NT5C1A: variants seen among roughly 807,000 people sequenced by gnomAD.
NT5C1A encodes the protein 5'-nucleotidase, cytosolic IA.
Under a neutral mutation model 31.0 loss-of-function variants are expected in NT5C1A, and 18 were observed. That is an observed-to-expected ratio of 0.58 (90% CI 0.40 to 0.86). NT5C1A has a LOEUF of 0.86. Among genes scored for constraint, NT5C1A ranks in the 40% least tolerant of loss-of-function variants. NT5C1A has a pLI of 0.00. For missense variants in NT5C1A, 470 were observed against 505.4 expected (o/e 0.93, Z 0.67); for synonymous variants, 185 against 203.6 (o/e 0.91, Z 0.78).
At chr1:39,662,280 G>A (rs1409187813) in intron 4 of NT5C1A, among the ~76,000 whole-genome samples, 2 of 152,190 alleles carry the variant, frequency 1.3e-5, no homozygotes, top group Non-Finnish European at 2.9e-5. Flanking sequence ...CAGGGCCAGT[G>A]CCAGGCATCA....
intron 1 of NT5C1A, among the ~76,000 whole-genome samples, chr1:39,670,874 C>T (rs893265849): frequency 2.0e-5 from 3 of 152,142 alleles, no homozygotes; most frequent in African/African-American, 7.2e-5. Context: ...TCTACTCCCC[C>T]CCCAACTCCC....
chr1:39,663,427 G>C lies in NT5C1A; in HGVS notation c.441C>G (p.Phe147Leu). The C allele has an allele frequency of 6.2e-7, 1 of 1,614,064 alleles. No individual in the cohort carries two copies. The highest frequency in any genetic ancestry group is 8.5e-7 in the Non-Finnish European group (1 of 1,179,996). ...LINSINHYDL[F>L]IERFCMTGGN... ...CACCTGTCATGCAGAACCTCTCGAT[G>C]AACAGGTCTGGGAAGGAGGTAAAGG... The change falls in exon 4 of 6, where the codon TTC (phenylalanine) becomes TTG (leucine). Residue 147 changes from phenylalanine (F) to leucine (L), a missense_variant. Physicochemically the swap from Phe to Leu is conservative, Grantham distance 22. Coordinates refer to ENST00000235628, the MANE Select transcript of NT5C1A (RefSeq NM_032526.3).
At position 39,666,051 on chromosome 1, in the gene NT5C1A, G is replaced by T. The variant is rs1646520041; in HGVS notation, c.303+18C>A. ...CACGAAGGCGCTATATGAGCTAGTG[G>T]TGGAACTGCTCCCTCACCTTCACAA... On this transcript the variant is annotated intron_variant, in intron 2 of 5. Transcript: ENST00000235628. 6.2e-7 allele frequency: 1 copy of T among 1,607,950 alleles called. No homozygotes were observed.
rs774758280 is a variant in NT5C1A, at chr1:39,659,002, G to C, written c.*119C>G. 1.2e-4 allele frequency: 160 copies of C among 1,332,196 alleles called. No homozygotes were observed. The highest frequency in any genetic ancestry group is 1.4e-4 in the Non-Finnish European group (141 of 981,600). The allele number at this position is 1,332,196 out of a possible 1,614,324, so 82.5% of individuals were successfully genotyped here. On this transcript the variant is annotated 3_prime_UTR_variant, in exon 6 of 6. Transcript: ENST00000235628. ...TTCCTACAAGTACATCACTCATAGG[G>C]ATGAGGGCAGACAGGCAGAAGGACA...
At chr1:39,664,341 A>G (rs934552800) in intron 3 of NT5C1A, among the ~76,000 whole-genome samples, 6 of 148,980 alleles carry the variant, frequency 4.0e-5, no homozygotes, top group Admixed American at 4.0e-4. Flanking sequence ...TTTTTAGTAG[A>G]GACGCCGTTT....
chr1:39,652,999 C>T lies in NT5C1A; in HGVS notation c.*6122G>A, dbSNP rs547686579. On this transcript the variant is annotated 3_prime_UTR_variant, in exon 6 of 6. Coordinates refer to ENST00000235628, the MANE Select transcript of NT5C1A (RefSeq NM_032526.3). ...TGTGCAGGTGTCTAATAGGTACTAC[C>T]CATGTCACAATACCAATGGCGCCCT... 3.9e-5 allele frequency among the ~76,000 whole-genome samples: 6 copies of T among 152,204 alleles called. No individual in the cohort carries two copies. The highest frequency in any genetic ancestry group is 1.2e-4 in the African/African-American group (5 of 41,522).
chr1:39,656,847 G>A lies in NT5C1A; in HGVS notation c.*2274C>T, dbSNP rs907143005. Among the ~76,000 whole-genome samples the A allele has an allele frequency of 3.3e-5, 5 of 152,250 alleles. No individual in the cohort carries two copies. The highest frequency in any genetic ancestry group is 7.3e-5 in the Non-Finnish European group (5 of 68,048). ...GATTCTGACCCCTGGGAGTGAGAAG[G>A]AGAGGGCCTTTCTGCAGTTCAGCCA... On this transcript the variant is annotated 3_prime_UTR_variant, in exon 6 of 6. Transcript: ENST00000235628.
intron 3 of NT5C1A, among the ~76,000 whole-genome samples, chr1:39,664,515 T>TCTCCTCTCCTCTCCC (rs1646511027): frequency 2.5e-5 from 2 of 80,666 alleles, no homozygotes; most frequent in African/African-American, 5.7e-5. Flanking sequence ...TCTCCTCTCC[T>TCTCCTCTCCTCTCCC]TTCCATCTCA....
At chr1:39,671,829 T>C in intron 1 of NT5C1A, 75 bp downstream of exon 1, 2 of 1,577,482 alleles carry the variant, frequency 1.3e-6, no homozygotes, top group Non-Finnish European at 1.7e-6. Context: ...CACGGGTCCC[T>C]TCCCAAGAGA....
At position 39,665,538 on chromosome 1, in the gene NT5C1A, T is replaced by C. The variant is rs772744198; in HGVS notation, c.416A>G (p.Asn139Ser). 1 of 1,613,198 alleles carries C rather than the reference T, an allele frequency of 6.2e-7. No homozygotes were observed. Residue 139 changes from asparagine (N) to serine (S), a missense_variant, in exon 3 of 6, where the codon AAC becomes AGC. Coordinates refer to ENST00000235628, the MANE Select transcript of NT5C1A (RefSeq NM_032526.3). ...NHAQVGVRLI[N>S]SINHYDLFIE... ...ATGCTCACCATAGTGGTTGATACTG[T>C]TGATGAGGCGGACACCCACTTGAGC...
Position 39,666,060 on chromosome 1 carries a change from C to T in NT5C1A, c.303+9G>A, listed in dbSNP as rs760474041. 46 of 1,610,398 alleles carry T rather than the reference C, an allele frequency of 2.9e-5. No individual in the cohort carries two copies. Among genetic ancestry groups the T allele is most frequent in the Non-Finnish European group, 3.7e-5 (44 of 1,178,394 alleles). On this transcript the variant is annotated intron_variant, in intron 2 of 5. Transcript: ENST00000235628. ...GCTATATGAGCTAGTGGTGGAACTGCTCCCTCACCTTCACAAAAGGGAAGG... is the reference window on the plus strand; with the variant it reads ...GCTATATGAGCTAGTGGTGGAACTGTTCCCTCACCTTCACAAAAGGGAAGG...
In NT5C1A at chr1:39,653,480, A is replaced by G. The variant is rs878925228; in HGVS notation, c.*5641T>C. ...ATTTTTATCCTGTTGCACAAACTTA[A>G]TATGTGTGCATCCATACACACAATC... On this transcript the variant is annotated 3_prime_UTR_variant, in exon 6 of 6. Coordinates refer to ENST00000235628, the MANE Select transcript of NT5C1A (RefSeq NM_032526.3). Among the ~76,000 whole-genome samples the G allele has an allele frequency of 6.6e-6, 1 of 152,166 alleles. No homozygotes were observed. The highest frequency in any genetic ancestry group is 2.4e-5 in the African/African-American group (1 of 41,434).
At chr1:39,664,417 A>T (rs546103086) in intron 3 of NT5C1A, among the ~76,000 whole-genome samples, 1 of 142,954 alleles carries the variant, frequency 7.0e-6, no homozygotes, top group South Asian at 2.4e-4. Flanking sequence ...AAGTGCTGGG[A>T]TCACAGGTGT....
intron 4 of NT5C1A, 100 bp downstream of exon 4, chr1:39,663,212 G>T (rs1646500470): frequency 1.8e-5 from 25 of 1,370,364 alleles, no homozygotes; most frequent in Non-Finnish European, 2.6e-5. Context: ...TAGTTACCAT[G>T]GCAACTCCCA....
chr1:39,652,494 T>C lies in NT5C1A; in HGVS notation c.*6627A>G, dbSNP rs1646437697. Among the ~76,000 whole-genome samples, 1 of 152,102 alleles carries C rather than the reference T, an allele frequency of 6.6e-6. No individual in the cohort carries two copies. The highest frequency in any genetic ancestry group is 1.5e-5 in the Non-Finnish European group (1 of 68,014). ...TTTCCTGCCTCGCCCCTGTAGGCAT[T>C]GGGGTTTGTGACCCTGGCCCAGGCA... On this transcript the variant is annotated 3_prime_UTR_variant, in exon 6 of 6. Coordinates refer to ENST00000235628, the MANE Select transcript of NT5C1A (RefSeq NM_032526.3).
intron 1 of NT5C1A, among the ~76,000 whole-genome samples, chr1:39,671,482 G>C (rs901027041): frequency 2.0e-5 from 3 of 152,244 alleles, no homozygotes; most frequent in Non-Finnish European, 2.9e-5. Context: ...CTCAGGTCCG[G>C]AGCCCGATGC....
intron 4 of NT5C1A, among the ~76,000 whole-genome samples, chr1:39,661,648 C>T (rs1646493625): frequency 6.6e-6 from 1 of 152,238 alleles, no homozygotes; most frequent in South Asian, 2.1e-4. Context: ...ACCAGCCAAA[C>T]ATGAGTCCCA....
chr1:39,663,492 G>A, intron 3 of NT5C1A, 58 bp from the exon 4 acceptor site: 5 of 1,583,672 alleles, frequency 3.2e-6, no homozygotes, highest in East Asian at 2.2e-5. Flanking sequence ...CTTCAGGGCA[G>A]TCTCTCTGTG....
chr1:39,668,025 T>A (rs1646532786), intron 1 of NT5C1A, among the ~76,000 whole-genome samples: 1 of 152,206 alleles, frequency 6.6e-6, no homozygotes, highest in Admixed American at 6.5e-5. Context: ...CCAACCAAGA[T>A]GGTGTATGTG....
Sources: allele counts gnomAD v4.1 joint callset (sites outside exome capture counted in the v4.1 genomes callset), GRCh38; gene constraint gnomAD v4.1.1; transcripts MANE v1.5; gene names NCBI Gene and HGNC (gene_info 2026-07-23, HGNC 2026-07-21).